MTREX: variants seen among roughly 807,000 people sequenced by gnomAD.
The protein encoded by MTREX is Mtr4 exosome RNA helicase.
In MTREX, 76 loss-of-function variants were observed where a neutral mutation model predicts 135.4. The ratio of observed to expected loss-of-function variants is 0.56; its 90% CI spans 0.47 to 0.68. The LOEUF (loss-of-function observed/expected upper bound fraction) is 0.68. MTREX is among the 30% of genes least tolerant of loss of function. MTREX has a pLI of 0.00. For missense variants in MTREX, 920 were observed against 1,262.1 expected (o/e 0.73, Z 4.11); for synonymous variants, 404 against 401.6 (o/e 1.01, Z -0.07).
chr5:55,358,516 AAT>A (rs1749957886), intron 14 of MTREX, 55 bp from the exon 15 acceptor site: 4 of 1,401,942 alleles, frequency 2.9e-6, no homozygotes, highest in Non-Finnish European at 3.9e-6. Context: ...AAATTTTAAG[AAT>A]ATGTTTTTTA....
intron 22 of MTREX, 78 bp downstream of exon 22, chr5:55,405,666 A>G: frequency 7.6e-7 from 1 of 1,311,270 alleles, no homozygotes; most frequent in African/African-American, 1.5e-5. Flanking sequence ...TTTTTTTGAG[A>G]TGGAGTCTCA....
chr5:55,334,209 T>A (rs1358909075), intron 5 of MTREX, among the ~76,000 whole-genome samples: 1 of 151,414 alleles, frequency 6.6e-6, no homozygotes, highest in Non-Finnish European at 1.5e-5. Context: ...GAGTACAGAG[T>A]TTTTTGGGAG....
intron 7 of MTREX, among the ~76,000 whole-genome samples, chr5:55,343,099 C>G (rs943053142): frequency 9.9e-5 from 15 of 152,138 alleles, no homozygotes; most frequent in Non-Finnish European, 1.9e-4. Flanking sequence ...TGGAATTGCT[C>G]TTTGTAGGCT....
At chr5:55,314,004 C>T (rs1213068017) in intron 1 of MTREX, among the ~76,000 whole-genome samples, 1 of 151,112 alleles carries the variant, frequency 6.6e-6, no homozygotes, top group African/African-American at 2.4e-5. Flanking sequence ...TTTTTAACAA[C>T]TGCATAGTTG....
intron 3 of MTREX, among the ~76,000 whole-genome samples, chr5:55,326,097 A>T (rs1179891759): frequency 2.6e-5 from 4 of 152,238 alleles, no homozygotes; most frequent in East Asian, 1.9e-4. Context: ...CTTATAAAAG[A>T]TGGAAAAACA....
chr5:55,369,680 A>G (rs1750164076), intron 16 of MTREX, among the ~76,000 whole-genome samples: 1 of 152,210 alleles, frequency 6.6e-6, no homozygotes, highest in African/African-American at 2.4e-5. Context: ...AATTAAAAAG[A>G]AAACCTTTTA....
At chr5:55,399,317 C>A (rs555444090) in intron 20 of MTREX, among the ~76,000 whole-genome samples, 8 of 152,104 alleles carry the variant, frequency 5.3e-5, no homozygotes, top group African/African-American at 1.9e-4. Flanking sequence ...ATTCCCAGTT[C>A]CTAACTAGCC....
intron 25 of MTREX, among the ~76,000 whole-genome samples, chr5:55,418,320 G>T (rs1415465308): frequency 6.7e-6 from 1 of 150,210 alleles, no homozygotes; most frequent in Admixed American, 6.7e-5. Flanking sequence ...TTAAATCTAG[G>T]AATTCATATA....
At chr5:55,358,485 T>C in intron 14 of MTREX, 88 bp from the exon 15 acceptor site, 1 of 1,118,100 alleles carries the variant, frequency 8.9e-7, no homozygotes, top group Non-Finnish European at 1.3e-6. Context: ...TTATAACTTG[T>C]TATAAATTTT....
At chr5:55,412,732 A>G (rs1750902136) in intron 23 of MTREX, among the ~76,000 whole-genome samples, 1 of 152,224 alleles carries the variant, frequency 6.6e-6, no homozygotes, top group African/African-American at 2.4e-5. Flanking sequence ...TCCTCACATC[A>G]GGACTGGTGC....
At chr5:55,362,887 A>G (rs1561197877) in intron 15 of MTREX, among the ~76,000 whole-genome samples, 4 of 152,186 alleles carry the variant, frequency 2.6e-5, no homozygotes, top group Non-Finnish European at 4.4e-5. Flanking sequence ...TAGTGCCCAT[A>G]TTTTCCAAAG....
Position 55,425,016 on chromosome 5 carries a change from G to C in MTREX, c.*244G>C. 1 of 809,002 alleles carries C rather than the reference G, an allele frequency of 1.2e-6. No homozygotes were observed. The highest frequency in any genetic ancestry group is 1.9e-5 in the South Asian group (1 of 52,790). 50.1% of individuals were successfully genotyped at this position (809,002 alleles called of 1,614,324 possible). On this transcript the variant is annotated 3_prime_UTR_variant, in exon 27 of 27. Transcript: ENST00000230640. ...GGAAGGCTTGGAGTTTTTTTAATGA[G>C]TTTAGAGCTATTAGATAACCACTGA...
chr5:55,315,513 T>C (rs1426595053), intron 1 of MTREX, among the ~76,000 whole-genome samples: 8 of 152,062 alleles, frequency 5.3e-5, no homozygotes, highest in Non-Finnish European at 1.2e-4. Context: ...TTTGTAGTTA[T>C]TATTATTATA....
intron 22 of MTREX, among the ~76,000 whole-genome samples, chr5:55,407,812 G>A (rs538994615): frequency 1.3e-5 from 2 of 151,970 alleles, no homozygotes; most frequent in Admixed American, 6.6e-5. Context: ...GGGGTGCAGT[G>A]GTGCAATCTC....
intron 14 of MTREX, 59 bp from the exon 15 acceptor site, chr5:55,358,514 A>G: frequency 1.4e-6 from 2 of 1,386,204 alleles, no homozygotes; most frequent in Non-Finnish European, 2.0e-6. Flanking sequence ...AGAAATTTTA[A>G]GAATATGTTT....
intron 21 of MTREX, among the ~76,000 whole-genome samples, chr5:55,404,527 G>A (rs1208846344): frequency 6.6e-6 from 1 of 152,178 alleles, no homozygotes; most frequent in Non-Finnish European, 1.5e-5. Context: ...CAAGAGAAAA[G>A]ATTTCTGTAC....
At chr5:55,343,591 A>C in intron 8 of MTREX, 136 bp downstream of exon 8, 1 of 721,918 alleles carries the variant, frequency 1.4e-6, no homozygotes, top group Non-Finnish European at 2.2e-6. Context: ...CTGCTTCTCA[A>C]ATCAAGCAGC....
At chr5:55,318,461 CTT>C (rs1239195109) in intron 1 of MTREX, among the ~76,000 whole-genome samples, 2 of 152,212 alleles carry the variant, frequency 1.3e-5, no homozygotes, top group Non-Finnish European at 2.9e-5. Context: ...GAGATCATGT[CTT>C]TTGCAGGAAC....
At chr5:55,405,309 A>G in intron 21 of MTREX, 116 bp from the exon 22 acceptor site, 2 of 861,864 alleles carry the variant, frequency 2.3e-6, no homozygotes, top group South Asian at 2.0e-5. Flanking sequence ...GCTTTAACCC[A>G]GAAGTATACT....
Sources: allele counts gnomAD v4.1 joint callset (sites outside exome capture counted in the v4.1 genomes callset), GRCh38; gene constraint gnomAD v4.1.1; transcripts MANE v1.5; gene names NCBI Gene and HGNC (gene_info 2026-07-23, HGNC 2026-07-21).